Variants in NPHP1 observed in about 807,000 individuals in gnomAD.
NPHP1 encodes nephrocystin 1.
A neutral mutation model predicts 90.4 loss-of-function variants in NPHP1; 70 were observed. The observed-to-expected ratio is 0.77, with a 90% confidence interval of 0.64 to 0.95. The LOEUF (loss-of-function observed/expected upper bound fraction) is 0.95, where lower values mean the gene tolerates loss of function less well. NPHP1 is among the 40% of genes least tolerant of loss of function. NPHP1 has a pLI of 0.00. For missense variants in NPHP1, 764 were observed against 795.9 expected (o/e 0.96, Z 0.48); for synonymous variants, 256 against 271.7 (o/e 0.94, Z 0.57).
chr2:110,152,786 G>A (rs1438422276), intron 11 of NPHP1, among the ~76,000 whole-genome samples: 1 of 151,860 alleles, frequency 6.6e-6, no homozygotes, highest in Non-Finnish European at 1.5e-5. Context: ...GTCAAGATCT[G>A]GTTCTGAACT....
chr2:110,177,904 G>C (rs1303685888), intron 4 of NPHP1: 1 of 158,518 alleles, frequency 6.3e-6, no homozygotes, highest in Non-Finnish European at 1.4e-5. Flanking sequence ...CACCAAGCCT[G>C]ACTAGTTTGG....
chr2:110,172,934 T>C (rs916886433), intron 4 of NPHP1, among the ~76,000 whole-genome samples: 1 of 151,896 alleles, frequency 6.6e-6, no homozygotes, highest in African/African-American at 2.4e-5. Context: ...TTTGCAAACA[T>C]GTAGTAATTT....
intron 9 of NPHP1, 40 bp downstream of exon 9, chr2:110,163,008 C>A: frequency 7.2e-7 from 1 of 1,391,146 alleles, no homozygotes; most frequent in Non-Finnish European, 1.0e-6. Flanking sequence ...ATCTTGACTG[C>A]TTTGCTGAAA....
chr2:110,150,094 G>A, intron 12 of NPHP1, 88 bp downstream of exon 12: 1 of 1,026,926 alleles, frequency 9.7e-7, no homozygotes, highest in Non-Finnish European at 1.5e-6. Flanking sequence ...ATTTATATCT[G>A]TTCCCACATA....
chr2:110,182,669 A>G (rs1416031884), intron 2 of NPHP1, among the ~76,000 whole-genome samples: 4 of 152,166 alleles, frequency 2.6e-5, no homozygotes, highest in African/African-American at 9.7e-5. Context: ...GGAGAAATTG[A>G]TACCACCCAC....
Position 110,161,646 on chromosome 2 carries a change from T to C in NPHP1, c.911A>G (p.Gln304Arg). 6.2e-7 allele frequency: 1 copy of C among 1,613,388 alleles called. No homozygotes were observed. Among genetic ancestry groups the C allele is most frequent in the Non-Finnish European group, 8.5e-7 (1 of 1,179,406 alleles). The change falls in exon 10 of 20, where the codon CAA becomes CGA. Residue 304 changes from glutamine (Q) to arginine (R), a missense_variant. Coordinates refer to ENST00000445609, the MANE Select transcript of NPHP1 (RefSeq NM_001128178.3). ...YFLQPELMPS[Q>R]LAFRDLMWDA... is the part of the protein sequence containing the mutation. Reference sequence around the variant, plus strand: ...CCACATCAGATCTCTGAAGGCCAGTTGTGAAGGCATGAGCTCTGGTTGTAA... The same window carrying C: ...CCACATCAGATCTCTGAAGGCCAGTCGTGAAGGCATGAGCTCTGGTTGTAA...
intron 15 of NPHP1, chr2:110,144,244 C>A: frequency 2.0e-6 from 1 of 497,906 alleles, no homozygotes; most frequent in Non-Finnish European, 3.6e-6. Context: ...GTTCAGTGGT[C>A]AATGAAAAGG....
rs755736458 is a variant in NPHP1 at position 110,164,697 on chromosome 2, C to T, written c.762G>A (p.Ala254=). The T allele has an allele frequency of 1.9e-6, 3 of 1,614,040 alleles. No individual in the cohort carries two copies. Among genetic ancestry groups the T allele is most frequent in the Admixed American group, 1.7e-5 (1 of 60,002 alleles). The change falls in exon 8 of 20, where the codon GCG becomes GCA. Residue 254 remains alanine (A), a synonymous_variant. Transcript: ENST00000445609. ...GACAGAAGATGCCCGCCTCTGAAAT[C>T]GCTTTCTGAACAGCACTCCAGTGGG... ...TDPHWSAVQK[A]ISEQINTVDV... is the part of the protein sequence containing the mutation.
Position 110,142,686 on chromosome 2 carries a change from G to A in NPHP1, c.1529+856C>T, listed in dbSNP as rs114836019. Among the ~76,000 whole-genome samples, 294 of 152,242 alleles carry A rather than the reference G, an allele frequency of 1.9e-3. 2 individuals are homozygous for A. Among genetic ancestry groups the A allele is most frequent in the African/African-American group, 6.9e-3 (287 of 41,546 alleles). On this transcript the variant is annotated intron_variant, in intron 16 of 19. Coordinates refer to ENST00000445609, the MANE Select transcript of NPHP1 (RefSeq NM_001128178.3). Reference sequence around the variant, plus strand: ...TCTACTGAACATCAGAGCTTAGACAGGCCTACCTTAAACATGCTCATAACA... The same window carrying A: ...TCTACTGAACATCAGAGCTTAGACAAGCCTACCTTAAACATGCTCATAACA...
At chr2:110,141,166 C>T (rs1343089111) in intron 16 of NPHP1, among the ~76,000 whole-genome samples, 1 of 152,184 alleles carries the variant, frequency 6.6e-6, no homozygotes, top group African/African-American at 2.4e-5. Flanking sequence ...CAAATGCCCC[C>T]TGATTTTACC....
At chr2:110,188,797 C>T (rs1045948213) in intron 2 of NPHP1, among the ~76,000 whole-genome samples, 1 of 152,072 alleles carries the variant, frequency 6.6e-6, no homozygotes, top group African/African-American at 2.4e-5. Context: ...AAAGAACAGA[C>T]ACATAGGCCA....
At chr2:110,194,545 C>T (rs1337191664) in intron 2 of NPHP1, among the ~76,000 whole-genome samples, 3 of 152,036 alleles carry the variant, frequency 2.0e-5, no homozygotes, top group Non-Finnish European at 4.4e-5. Flanking sequence ...AGTCCAGGAC[C>T]AGATGGATTC....
At chr2:110,161,509 A>G (rs1682332287) in intron 10 of NPHP1, 94 bp downstream of exon 10, 2 of 831,162 alleles carry the variant, frequency 2.4e-6, no homozygotes, top group Non-Finnish European at 3.9e-6. Context: ...TTTGTTTTTT[A>G]TAATTCATTA....
At position 110,163,257 on chromosome 2, in the gene NPHP1, A is replaced by C. The variant is rs139001080; in HGVS notation, c.772-122T>G. The C allele has an allele frequency of 5.5e-3, 4,118 of 749,278 alleles. 22 individuals carry two copies. Among genetic ancestry groups the C allele is most frequent in the Non-Finnish European group, 7.4e-3 (3,176 of 429,342 alleles). The allele number at this position is 749,278 out of a possible 1,614,324, so 46.4% of individuals were successfully genotyped here. A position where few individuals can be genotyped will look rare whatever the true frequency, so the allele number is the denominator to read the frequency against. ...AATATAAACATACAGACTTTAGTGG[A>C]AGAATAATACGATTTGGCCCCAAAT... On this transcript the variant is annotated intron_variant, in intron 8 of 19. Coordinates refer to ENST00000445609, the MANE Select transcript of NPHP1 (RefSeq NM_001128178.3).
intron 2 of NPHP1, chr2:110,184,541 TG>T: frequency 7.8e-7 from 1 of 1,287,456 alleles, no homozygotes; most frequent in Non-Finnish European, 1.1e-6. Flanking sequence ...ATTCTGGGGA[TG>T]GCATCACCCA....
chr2:110,172,643 G>C (rs555809293), intron 4 of NPHP1, among the ~76,000 whole-genome samples: 2 of 151,954 alleles, frequency 1.3e-5, no homozygotes, highest in African/African-American at 4.8e-5. Context: ...TTTGCCAAGC[G>C]TAGTGGCACA....
chr2:110,194,426 C>T (rs903043668), intron 2 of NPHP1, among the ~76,000 whole-genome samples: 29 of 152,084 alleles, frequency 1.9e-4, no homozygotes, highest in African/African-American at 6.5e-4. Context: ...ATAAATTCCT[C>T]GACAAATACA....
At chr2:110,171,582 T>C (rs1456557236) in intron 4 of NPHP1, among the ~76,000 whole-genome samples, 1 of 152,188 alleles carries the variant, frequency 6.6e-6, no homozygotes, top group Non-Finnish European at 1.5e-5. Flanking sequence ...AAATGTCATA[T>C]TGATTTTCAA....
At chr2:110,125,236 G>A (rs1679263290) in intron 19 of NPHP1, 1 of 1,535,754 alleles carries the variant, frequency 6.5e-7, no homozygotes, top group South Asian at 1.2e-5. Context: ...TTATAGCAAG[G>A]TAAGCAGGAG....
Sources: gnomAD v4.1 joint callset for allele counts (sites outside exome capture counted in the v4.1 genomes callset) on GRCh38, gnomAD v4.1.1 for gene constraint, MANE v1.5 for transcripts, NCBI Gene and HGNC (gene_info 2026-07-23, HGNC 2026-07-21) for gene names.